The following STYK1 variants were observed in gnomAD, a reference collection of about 807,000 sequenced individuals.
The protein encoded by STYK1 is tyrosine-protein kinase STYK1.
STYK1 carries 46 observed loss-of-function variants against 48.1 expected under a neutral mutation model. That is an observed-to-expected ratio of 0.96 (90% CI 0.75 to 1.22). STYK1 has a LOEUF of 1.22. Among genes scored for constraint, STYK1 ranks in the 50% most tolerant of loss-of-function variants. STYK1 has a pLI of 0.00. For missense variants in STYK1, 527 were observed against 521.1 expected (o/e 1.01, Z -0.11); for synonymous variants, 188 against 189.0 (o/e 0.99, Z 0.04).
Position 10,624,709 on chromosome 12 carries a change from G to A in STYK1, c.868C>T (p.Leu290Phe), listed in dbSNP as rs372543976. ...AGCCGTTCTGGGGCAAGCCACTTGAGAGGTATGGTTTGAGTAGAGGAGATG... is the reference window on the plus strand; with the variant it reads ...AGCCGTTCTGGGGCAAGCCACTTGAAAGGTATGGTTTGAGTAGAGGAGATG... Reference protein sequence around the residue: ...GAISSTQTIPLKWLAPERLLL... With the variant: ...GAISSTQTIPFKWLAPERLLL... The change falls in exon 8 of 11, where the codon CTC (leucine) becomes TTC (phenylalanine). Residue 290 changes from leucine (L) to phenylalanine (F), a missense_variant. Leu to Phe is a conservative substitution (Grantham distance 22). Transcript: ENST00000075503. 2 of 1,614,018 alleles carry A rather than the reference G, an allele frequency of 1.2e-6. No individual in the cohort carries two copies. The highest frequency in any genetic ancestry group is 2.7e-5 in the African/African-American group (2 of 74,924).
chr12:10,622,776 A>G, intron 8 of STYK1, 98 bp from the exon 9 acceptor site: 1 of 1,403,236 alleles, frequency 7.1e-7, no homozygotes, highest in Non-Finnish European at 9.9e-7. Context: ...GCCCCATGAA[A>G]AAGGCAATGA....
intron 1 of STYK1, among the ~76,000 whole-genome samples, chr12:10,665,640 T>C (rs1158237923): frequency 6.6e-6 from 1 of 152,212 alleles, no homozygotes; most frequent in East Asian, 1.9e-4. Context: ...CACAGTTTCT[T>C]CTGGAACTTT....
intron 4 of STYK1, among the ~76,000 whole-genome samples, chr12:10,632,025 T>C (rs1947434586): frequency 6.6e-6 from 1 of 152,060 alleles, no homozygotes; most frequent in Admixed American, 6.5e-5. Flanking sequence ...GGTAATAATA[T>C]ATCAAGCAAT....
chr12:10,652,390 G>A (rs1221852124), intron 1 of STYK1, among the ~76,000 whole-genome samples: 2 of 152,072 alleles, frequency 1.3e-5, no homozygotes, highest in East Asian at 1.9e-4. Flanking sequence ...ATAGAATTGC[G>A]CAATGTAATC....
intron 1 of STYK1, among the ~76,000 whole-genome samples, chr12:10,647,695 C>A (rs1012354448): frequency 6.6e-6 from 1 of 152,112 alleles, no homozygotes; most frequent in Non-Finnish European, 1.5e-5. Context: ...TGTCCCCACC[C>A]AAATCTTATC....
At chr12:10,651,975 G>A (rs1320833745) in intron 1 of STYK1, among the ~76,000 whole-genome samples, 1 of 152,112 alleles carries the variant, frequency 6.6e-6, no homozygotes, top group Non-Finnish European at 1.5e-5. Context: ...CTCTAACAAC[G>A]AAGACTTAAG....
At chr12:10,654,595 G>A (rs1947698176) in intron 1 of STYK1, among the ~76,000 whole-genome samples, 1 of 152,198 alleles carries the variant, frequency 6.6e-6, no homozygotes, top group African/African-American at 2.4e-5. Context: ...ATCAGATTGG[G>A]TTAGAGGTCC....
chr12:10,671,262 G>A (rs1172809971), intron 1 of STYK1, among the ~76,000 whole-genome samples: 1 of 151,984 alleles, frequency 6.6e-6, no homozygotes, highest in African/African-American at 2.4e-5. Flanking sequence ...CCAAAGTGCT[G>A]GGATTAACAG....
intron 1 of STYK1, among the ~76,000 whole-genome samples, chr12:10,661,811 T>A (rs927659094): frequency 1.3e-5 from 2 of 151,554 alleles, no homozygotes; most frequent in African/African-American, 4.8e-5. Context: ...AACTAGTATT[T>A]TTTTGCAAAA....
chr12:10,656,094 T>A (rs1423423086), intron 1 of STYK1, among the ~76,000 whole-genome samples: 1 of 152,158 alleles, frequency 6.6e-6, no homozygotes, highest in Non-Finnish European at 1.5e-5. Context: ...TTCACCATGC[T>A]GTTCTTGTGA....
At chr12:10,623,936 A>C (rs1334297082) in intron 8 of STYK1, among the ~76,000 whole-genome samples, 2 of 152,194 alleles carry the variant, frequency 1.3e-5, no homozygotes, top group African/African-American at 4.8e-5. Context: ...ATGTACATTT[A>C]TAAGTTTTAT....
intron 6 of STYK1, among the ~76,000 whole-genome samples, chr12:10,628,588 T>C (rs1947386350): frequency 6.6e-6 from 1 of 152,184 alleles, no homozygotes; most frequent in Non-Finnish European, 1.5e-5. Flanking sequence ...CCCTTTCTCA[T>C]ACACATTCAG....
intron 5 of STYK1, among the ~76,000 whole-genome samples, chr12:10,630,469 T>C (rs1194236843): frequency 1.4e-5 from 2 of 145,944 alleles, no homozygotes; most frequent in Non-Finnish European, 3.0e-5. Flanking sequence ...AACCTCAGAA[T>C]CCTAGTACAA....
chr12:10,624,978 C>T, intron 7 of STYK1, 119 bp from the exon 8 acceptor site: 1 of 798,520 alleles, frequency 1.3e-6, no homozygotes, highest in Non-Finnish European at 2.1e-6. Context: ...CTGAACAAGT[C>T]TCACTAATAA....
At chr12:10,653,410 A>T (rs1947684720) in intron 1 of STYK1, among the ~76,000 whole-genome samples, 1 of 152,176 alleles carries the variant, frequency 6.6e-6, no homozygotes. Context: ...TATAACAATC[A>T]GTACAAATAC....
chr12:10,662,484 A>G lies in STYK1; in HGVS notation c.-195+11482T>C, dbSNP rs1474247260. Among the ~76,000 whole-genome samples the G allele has an allele frequency of 2.0e-5, 3 of 152,254 alleles. No individual in the cohort carries two copies. In the East Asian group the frequency reaches 5.8e-4, roughly 29 times the overall value. On this transcript the variant is annotated intron_variant, in intron 1 of 10. Coordinates refer to ENST00000075503, the MANE Select transcript of STYK1 (RefSeq NM_018423.3). ...CACTTTATACTCCCACCAGTAATTTATAAGGAATCCAGTGTCTCCACATCC... is the reference window on the plus strand; with the variant it reads ...CACTTTATACTCCCACCAGTAATTTGTAAGGAATCCAGTGTCTCCACATCC...
At chr12:10,666,710 G>C (rs558878510) in intron 1 of STYK1, among the ~76,000 whole-genome samples, 2 of 152,164 alleles carry the variant, frequency 1.3e-5, no homozygotes, top group African/African-American at 4.8e-5. Flanking sequence ...AAGTTCTCAC[G>C]AGATCTGATG....
chr12:10,664,183 C>T (rs1010064973), intron 1 of STYK1, among the ~76,000 whole-genome samples: 4 of 152,152 alleles, frequency 2.6e-5, no homozygotes, highest in Non-Finnish European at 4.4e-5. Flanking sequence ...GCACTACGTT[C>T]TGTAGTTGTC....
intron 8 of STYK1, 138 bp downstream of exon 8, chr12:10,624,513 C>T (rs1947333413): frequency 2.6e-6 from 2 of 772,168 alleles, no homozygotes; most frequent in African/African-American, 1.7e-5. Flanking sequence ...TGTCACATAA[C>T]ATTTCTGCTT....
Sources: gnomAD v4.1 joint callset for allele counts (sites outside exome capture counted in the v4.1 genomes callset) on GRCh38, gnomAD v4.1.1 for gene constraint, MANE v1.5 for transcripts, NCBI Gene and HGNC (gene_info 2026-07-23, HGNC 2026-07-21) for gene names.